Variants in CACNA1D observed in about 807,000 individuals in gnomAD.
The protein encoded by CACNA1D is voltage-dependent L-type calcium channel subunit alpha-1D.
Under a neutral mutation model 257.1 loss-of-function variants are expected in CACNA1D, and 55 were observed. That is an observed-to-expected ratio of 0.21 (90% CI 0.17 to 0.27). CACNA1D has a LOEUF of 0.27. Ranked by LOEUF, CACNA1D falls within the 10% of genes least tolerant of loss-of-function variation. CACNA1D has a pLI of 1.00. For missense variants in CACNA1D, 1,876 were observed against 2,784.0 expected (o/e 0.67, Z 7.34); for synonymous variants, 980 against 1,014.9 (o/e 0.97, Z 0.65).
chr3:53,674,846 A>G (rs1318743295), intron 8 of CACNA1D, among the ~76,000 whole-genome samples: 1 of 152,164 alleles, frequency 6.6e-6, no homozygotes, highest in African/African-American at 2.4e-5. Context: ...GCGCCCAGGC[A>G]CCCTCAGGAA....
At chr3:53,609,877 G>A (rs1013261972) in intron 3 of CACNA1D, among the ~76,000 whole-genome samples, 6 of 152,002 alleles carry the variant, frequency 3.9e-5, no homozygotes, top group South Asian at 2.1e-4. Flanking sequence ...TTCTAATATC[G>A]GAATATTGGC....
chr3:53,734,008 ATG>A (rs67631750), intron 19 of CACNA1D, among the ~76,000 whole-genome samples: 18 of 71,028 alleles, frequency 2.5e-4, no homozygotes, highest in Admixed American at 2.2e-3. Context: ...ACATATATAT[ATG>A]TGTGTGTATA....
intron 8 of CACNA1D, among the ~76,000 whole-genome samples, chr3:53,695,792 TTTC>T (rs2094567992): frequency 6.6e-6 from 1 of 152,126 alleles, no homozygotes; most frequent in African/African-American, 2.4e-5. Flanking sequence ...TCAGCACCAT[TTTC>T]TTCTTATTTT....
At position 53,800,432 on chromosome 3, in the gene CACNA1D, C is replaced by T; in HGVS notation, c.5040+67C>T. 9.3e-7 allele frequency: 1 copy of T among 1,070,924 alleles called. No individual in the cohort carries two copies. Among genetic ancestry groups the T allele is most frequent in the Non-Finnish European group, 1.5e-6 (1 of 684,154 alleles). 66.3% of individuals were successfully genotyped at this position (1,070,924 alleles called of 1,614,324 possible). On this transcript the variant is annotated intron_variant, in intron 41 of 47. Coordinates refer to ENST00000350061, the MANE Select transcript of CACNA1D (RefSeq NM_001128840.3). This position sits in a 1 kb window ranked among gnomAD's most constrained non-coding sequence, Gnocchi z 4.3. ...TAGCAGGGCAGGACTCCAGTTTGGG[C>T]AGTTAATCATCCACAGAAGAGTCTG...
chr3:53,740,094 C>T (rs933405223), intron 20 of CACNA1D, among the ~76,000 whole-genome samples, 186 bp from the exon 21 acceptor site: 1 of 152,250 alleles, frequency 6.6e-6, no homozygotes, highest in African/African-American at 2.4e-5. Flanking sequence ...TTCTCAAACG[C>T]TCTTTGGGAA....
intron 42 of CACNA1D, 90 bp from the exon 43 acceptor site, chr3:53,802,057 A>C (rs2095538945): frequency 1.7e-6 from 2 of 1,146,060 alleles, no homozygotes; most frequent in Non-Finnish European, 2.7e-6. Context: ...CCCCTACTCT[A>C]GGAGGTAGCC....
At chr3:53,656,911 C>T (rs908498001) in intron 4 of CACNA1D, among the ~76,000 whole-genome samples, 1 of 152,146 alleles carries the variant, frequency 6.6e-6, no homozygotes, top group African/African-American at 2.4e-5. Context: ...CATACCAAGT[C>T]TTAACCAAAA....
At chr3:53,787,453 GTATGTA>G (rs2095461108) in intron 40 of CACNA1D, among the ~76,000 whole-genome samples, 1 of 148,286 alleles carries the variant, frequency 6.7e-6, no homozygotes, top group Non-Finnish European at 1.5e-5. Context: ...GTGTGTGTGT[GTATGTA>G]TGTATGTGTG....
intron 15 of CACNA1D, among the ~76,000 whole-genome samples, chr3:53,727,935 T>C (rs1460165661): frequency 6.6e-6 from 1 of 152,164 alleles, no homozygotes; most frequent in African/African-American, 2.4e-5. Context: ...CTTTGTGCTA[T>C]AAGGTATTTT....
At chr3:53,757,566 C>T (rs1044872324) in intron 29 of CACNA1D, among the ~76,000 whole-genome samples, 2 of 152,248 alleles carry the variant, frequency 1.3e-5, no homozygotes, top group Admixed American at 6.5e-5. Flanking sequence ...GACCAGACCA[C>T]TCTTGCAGTG....
chr3:53,776,799 G>A lies in CACNA1D; in HGVS notation c.4491-61G>A. On this transcript the variant is annotated intron_variant, in intron 36 of 47. Transcript: ENST00000350061. Reference sequence around the variant, plus strand: ...GGAATGTCAGCTTTTTTTGTGGAGTGGACTGAAAGTTCGGGCCAGCTGGTA... The same window carrying A: ...GGAATGTCAGCTTTTTTTGTGGAGTAGACTGAAAGTTCGGGCCAGCTGGTA... The A allele has an allele frequency of 3.1e-6, 5 of 1,613,440 alleles. No individual in the cohort carries two copies. In the Admixed American group the frequency reaches 6.7e-5, roughly 22 times the overall value.
rs532131725 is a variant in CACNA1D, at chr3:53,651,022, C to T, written c.623+104C>T. 58 of 1,053,480 alleles carry T rather than the reference C, an allele frequency of 5.5e-5. No individual in the cohort carries two copies. In the African/African-American group the frequency reaches 8.4e-4, roughly 15 times the overall value. The allele number at this position is 1,053,480 out of a possible 1,614,324, so 65.3% of individuals were successfully genotyped here. A position where few individuals can be genotyped will look rare whatever the true frequency, so the allele number is the denominator to read the frequency against. ...AGTCTTTTTAGGGAATGTGGTTGCT[C>T]TTTTATGCCAGCTGTTGCACCAGAA... is the stretch of plus-strand genomic sequence containing the variant. On this transcript the variant is annotated intron_variant, in intron 4 of 47. Coordinates refer to ENST00000350061, the MANE Select transcript of CACNA1D (RefSeq NM_001128840.3).
rs143187216 is a variant in CACNA1D, at chr3:53,753,454, G to A, written c.3676-118G>A. 126 of 767,154 alleles carry A rather than the reference G, an allele frequency of 1.6e-4. No individual in the cohort carries two copies. In the East Asian group the frequency reaches 2.1e-3, roughly 13 times the overall value. The allele number at this position is 767,154 out of a possible 1,614,324, so 47.5% of individuals were successfully genotyped here. A position where few individuals can be genotyped will look rare whatever the true frequency, so the allele number is the denominator to read the frequency against. On this transcript the variant is annotated intron_variant, in intron 28 of 47. Transcript: ENST00000350061. ...TGCAATGCCGGTGGAATTGCCCAGCGAGGGTGCTGGGCTGTGGAGGATGCC... is the reference window on the plus strand; with the variant it reads ...TGCAATGCCGGTGGAATTGCCCAGCAAGGGTGCTGGGCTGTGGAGGATGCC...
At chr3:53,571,318 A>C (rs1339292975) in intron 3 of CACNA1D, among the ~76,000 whole-genome samples, 9 of 152,210 alleles carry the variant, frequency 5.9e-5, no homozygotes, top group Admixed American at 5.9e-4. Context: ...GAGATTCAGG[A>C]TTCAGACACA....
At chr3:53,710,397 G>C (rs1400129329) in intron 9 of CACNA1D, 2 of 456,682 alleles carry the variant, frequency 4.4e-6, no homozygotes, top group Non-Finnish European at 8.8e-6. Context: ...ACCTGAAGGG[G>C]TCACAGTGGC....
At chr3:53,603,183 A>G (rs533809634) in intron 3 of CACNA1D, among the ~76,000 whole-genome samples, 1 of 152,340 alleles carries the variant, frequency 6.6e-6, no homozygotes, top group African/African-American at 2.4e-5. Context: ...TGGAACAGAT[A>G]TGGTTCTCCC....
At chr3:53,592,990 A>G (rs1210006512) in intron 3 of CACNA1D, among the ~76,000 whole-genome samples, 2 of 152,092 alleles carry the variant, frequency 1.3e-5, no homozygotes, top group Non-Finnish European at 1.5e-5. Context: ...CGCCTGGCCA[A>G]TCCTAGTTCT....
At chr3:53,642,765 G>A (rs1228478553) in intron 3 of CACNA1D, among the ~76,000 whole-genome samples, 1 of 152,238 alleles carries the variant, frequency 6.6e-6, no homozygotes, top group Non-Finnish European at 1.5e-5. Flanking sequence ...TCTTGGGCCA[G>A]GGCCTTGCCC....
chr3:53,654,881 A>G (rs2094133537), intron 4 of CACNA1D, among the ~76,000 whole-genome samples: 1 of 152,220 alleles, frequency 6.6e-6, no homozygotes, highest in East Asian at 1.9e-4. Context: ...CCCTAAATCC[A>G]AAACAGGCAA....
Sources: gnomAD v4.1 joint callset for allele counts (sites outside exome capture counted in the v4.1 genomes callset) on GRCh38, gnomAD v4.1.1 for gene constraint, Gnocchi (gnomAD v3.1) non-coding constraint, MANE v1.5 for transcripts, NCBI Gene and HGNC (gene_info 2026-07-23, HGNC 2026-07-21) for gene names.